RAB3B: variants seen among roughly 807,000 people sequenced by gnomAD.
RAB3B encodes ras-related protein Rab-3B.
RAB3B carries 11 observed loss-of-function variants against 20.5 expected under a neutral mutation model. The observed-to-expected ratio is 0.54, with a 90% CI of 0.34 to 0.89. RAB3B has a LOEUF of 0.89. Among genes scored for constraint, RAB3B ranks in the 40% least tolerant of loss-of-function variants. The probability of loss-of-function intolerance (pLI) is 0.02; values close to 1 mark genes in which losing one functional copy is unlikely to be tolerated. For missense variants in RAB3B, 225 were observed against 280.9 expected (o/e 0.80, Z 1.42); for synonymous variants, 99 against 106.3 (o/e 0.93, Z 0.42).
Position 51,912,554 on chromosome 1 carries a change from AAT to A in RAB3B, c.*7371_*7372del, listed in dbSNP as rs1171897939. The A allele has an allele frequency of 6.5e-5, 1 of 15,502 alleles. No individual in the cohort carries two copies. Among genetic ancestry groups the A allele is most frequent in the African/African-American group, 1.7e-4 (1 of 5,746 alleles). The allele number at this position is 15,502 out of a possible 1,614,324, so 1.0% of individuals were successfully genotyped here. A position where few individuals can be genotyped will look rare whatever the true frequency, so the allele number is the denominator to read the frequency against. ...AGACCGTCTCTATTAAAAAAAAAAA[AAT>A]ATATATATATATATATATATATATA... On this transcript the variant is annotated 3_prime_UTR_variant, in exon 5 of 5. Coordinates refer to ENST00000371655, the MANE Select transcript of RAB3B (RefSeq NM_002867.4).
chr1:51,945,965 C>T (rs979816494), intron 2 of RAB3B, among the ~76,000 whole-genome samples: 7 of 152,204 alleles, frequency 4.6e-5, no homozygotes. Context: ...AAAATGCCTA[C>T]TTGGTAGGGT....
chr1:51,937,144 G>T, intron 3 of RAB3B, 150 bp downstream of exon 3: 1 of 555,806 alleles, frequency 1.8e-6, no homozygotes, highest in Non-Finnish European at 3.1e-6. Flanking sequence ...CCTGCTTATG[G>T]ATCTGTCTTC....
chr1:51,939,769 C>G (rs1384810575), intron 2 of RAB3B, among the ~76,000 whole-genome samples: 1 of 152,068 alleles, frequency 6.6e-6, no homozygotes, highest in South Asian at 2.1e-4. Context: ...GAGACAAGGT[C>G]TTACTATGTA....
chr1:51,978,802 G>A (rs1685044580), intron 1 of RAB3B, among the ~76,000 whole-genome samples: 1 of 152,036 alleles, frequency 6.6e-6, no homozygotes, highest in African/African-American at 2.4e-5. Flanking sequence ...TTTCCCCAAG[G>A]GCAAAGAAAG....
rs1057043404 is a variant in RAB3B at position 51,931,092 on chromosome 1, A to C, written c.472+2226T>G. Among the ~76,000 whole-genome samples the C allele has an allele frequency of 1.8e-4, 28 of 152,140 alleles. 1 individual carries two copies. The highest frequency in any genetic ancestry group is 6.8e-4 in the African/African-American group (28 of 41,448). On this transcript the variant is annotated intron_variant, in intron 4 of 4. Coordinates refer to ENST00000371655, the MANE Select transcript of RAB3B (RefSeq NM_002867.4). Reference sequence around the variant, plus strand: ...TCTAATACATATCCAAATATGTATTAGAAAATAAATACAGAAAATCATCCT... The same window carrying C: ...TCTAATACATATCCAAATATGTATTCGAAAATAAATACAGAAAATCATCCT...
chr1:51,975,080 G>A (rs1197030400), intron 2 of RAB3B, among the ~76,000 whole-genome samples: 1 of 152,148 alleles, frequency 6.6e-6, no homozygotes, highest in Non-Finnish European at 1.5e-5. Flanking sequence ...CAGGCGTGGT[G>A]GCACACGCCT....
At chr1:51,946,378 A>T (rs777006920) in intron 2 of RAB3B, among the ~76,000 whole-genome samples, 83 of 152,336 alleles carry the variant, frequency 5.4e-4, no homozygotes, top group Middle Eastern at 3.4e-3. Flanking sequence ...CACACTGAGG[A>T]ACATTGATTC....
rs1685040085 is a variant in RAB3B at position 51,978,553 on chromosome 1, A to G, written c.1-1436T>C. On this transcript the variant is annotated intron_variant, in intron 1 of 4. Coordinates refer to ENST00000371655, the MANE Select transcript of RAB3B (RefSeq NM_002867.4). ...CAGTTCTGTCACCATCTGCTTTCCTAGAACACCCGAATCTGAACTCCATAA... is the reference window on the plus strand; with the variant it reads ...CAGTTCTGTCACCATCTGCTTTCCTGGAACACCCGAATCTGAACTCCATAA... Among the ~76,000 whole-genome samples the G allele has an allele frequency of 4.6e-5, 7 of 152,268 alleles. No homozygotes were observed. In the South Asian group the frequency reaches 1.5e-3, roughly 32 times the overall value.
intron 3 of RAB3B, among the ~76,000 whole-genome samples, chr1:51,935,124 G>C (rs190857976): frequency 6.6e-6 from 1 of 152,310 alleles, no homozygotes; most frequent in East Asian, 1.9e-4. Context: ...AGTGAATGCT[G>C]ATAAATGAAC....
At chr1:51,922,172 G>A (rs1053522459) in intron 4 of RAB3B, among the ~76,000 whole-genome samples, 1 of 152,194 alleles carries the variant, frequency 6.6e-6, no homozygotes, top group Admixed American at 6.5e-5. Context: ...CTTAATGAAC[G>A]TCACAAAAAT....
chr1:51,976,594 T>C (rs1158420840), intron 2 of RAB3B, among the ~76,000 whole-genome samples: 2 of 152,138 alleles, frequency 1.3e-5, no homozygotes, highest in East Asian at 1.9e-4. Context: ...TAGTAAGTGG[T>C]AGAAGCAGAA....
At chr1:51,970,831 C>T (rs1460281183) in intron 2 of RAB3B, among the ~76,000 whole-genome samples, 1 of 151,298 alleles carries the variant, frequency 6.6e-6, no homozygotes, top group Non-Finnish European at 1.5e-5. Context: ...CGGTGAAACC[C>T]CGTCTCTACT....
chr1:51,986,749 G>A (rs1360457025), intron 1 of RAB3B, among the ~76,000 whole-genome samples: 2 of 152,210 alleles, frequency 1.3e-5, no homozygotes, highest in Non-Finnish European at 2.9e-5. Context: ...GTGTGAGAAC[G>A]GGGAGAGGCA....
chr1:51,971,423 T>A (rs1571977157), intron 2 of RAB3B, among the ~76,000 whole-genome samples: 1 of 151,780 alleles, frequency 6.6e-6, no homozygotes. Context: ...CTATGCTTTT[T>A]CTTTTTTCTT....
At chr1:51,932,880 C>T (rs1304075383) in intron 4 of RAB3B, among the ~76,000 whole-genome samples, 1 of 152,172 alleles carries the variant, frequency 6.6e-6, no homozygotes, top group Non-Finnish European at 1.5e-5. Context: ...TTGGCCCCAA[C>T]TCTTGCAGGT....
At chr1:51,925,901 T>C (rs1259998679) in intron 4 of RAB3B, among the ~76,000 whole-genome samples, 1 of 152,152 alleles carries the variant, frequency 6.6e-6, no homozygotes, top group Admixed American at 6.5e-5. Context: ...CAAAAAATAC[T>C]AGTATTAGAG....
chr1:51,987,153 A>G (rs566415332), intron 1 of RAB3B, among the ~76,000 whole-genome samples: 1 of 152,318 alleles, frequency 6.6e-6, no homozygotes, highest in East Asian at 1.9e-4. Flanking sequence ...TAAGCACCTA[A>G]GGAAGAAGCC....
At chr1:51,980,767 C>T in intron 1 of RAB3B, 4 of 754,324 alleles carry the variant, frequency 5.3e-6, no homozygotes, top group South Asian at 1.3e-5. Context: ...AACACCCCCA[C>T]CCTGATTTAG....
intron 2 of RAB3B, among the ~76,000 whole-genome samples, chr1:51,975,262 A>C (rs1256744458): frequency 6.6e-6 from 1 of 152,230 alleles, no homozygotes; most frequent in African/African-American, 2.4e-5. Context: ...AATACTTTAA[A>C]TCACAAATTT....
Sources: allele counts gnomAD v4.1 joint callset (sites outside exome capture counted in the v4.1 genomes callset), GRCh38; gene constraint gnomAD v4.1.1; transcripts MANE v1.5; gene names NCBI Gene and HGNC (gene_info 2026-07-23, HGNC 2026-07-21).